Variants in UNC5D observed in about 807,000 individuals in gnomAD.
The protein encoded by UNC5D is netrin receptor UNC5D.
Under a neutral mutation model 105.4 loss-of-function variants are expected in UNC5D, and 39 were observed. That is an observed-to-expected ratio of 0.37 (90% CI 0.29 to 0.48). UNC5D has a LOEUF of 0.48. Ranked by LOEUF, UNC5D falls within the 20% of genes least tolerant of loss-of-function variation. UNC5D has a pLI of 0.98. For synonymous variants in UNC5D, 452 were observed against 450.4 expected, an observed-to-expected ratio of 1.00 and a Z score of -0.04; for missense variants, 991 against 1,202.4, an observed-to-expected ratio of 0.82 and a Z score of 2.60.
chr8:35,247,332 G>C, intron 1 of UNC5D, among the ~76,000 whole-genome samples: 1 of 149,558 alleles, frequency 6.7e-6, no homozygotes, highest in East Asian at 2.0e-4. Context: ...GATGGATGCA[G>C]TTTGGTGTAG....
chr8:35,525,956 GT>G (rs1368464901), intron 1 of UNC5D, among the ~76,000 whole-genome samples: 1 of 152,088 alleles, frequency 6.6e-6, no homozygotes, highest in Non-Finnish European at 1.5e-5. Flanking sequence ...TTTTGTGTGT[GT>G]CCCAAATATA....
intron 3 of UNC5D, among the ~76,000 whole-genome samples, chr8:35,575,412 T>C (rs1004887591): frequency 6.6e-6 from 1 of 152,166 alleles, no homozygotes; most frequent in Non-Finnish European, 1.5e-5. Flanking sequence ...AGTGAATTCA[T>C]AGCTTACATT....
At chr8:35,595,731 T>C in intron 4 of UNC5D, 74 bp downstream of exon 4, 1 of 1,370,600 alleles carries the variant, frequency 7.3e-7, no homozygotes. Flanking sequence ...GAGTCCTGTG[T>C]GGCTGGAAGG....
At chr8:35,518,171 A>C (rs1439159) in intron 1 of UNC5D, among the ~76,000 whole-genome samples, 21,242 of 152,214 alleles carry the variant, frequency 0.14, 1,855 homozygotes, top group East Asian at 0.27. Flanking sequence ...TTTATTATCA[A>C]GTAGCACTGT....
At chr8:35,331,154 G>T (rs1167729457) in intron 1 of UNC5D, among the ~76,000 whole-genome samples, 1 of 152,158 alleles carries the variant, frequency 6.6e-6, no homozygotes, top group Non-Finnish European at 1.5e-5. Flanking sequence ...ATGAGTGAGA[G>T]ATGAGAGATT....
At chr8:35,583,761 A>G (rs1035243481) in intron 3 of UNC5D, among the ~76,000 whole-genome samples, 18 of 152,164 alleles carry the variant, frequency 1.2e-4, no homozygotes, top group African/African-American at 3.6e-4. Context: ...TTTCCTGTTG[A>G]AGATTGTTAA....
At chr8:35,676,571 A>G (rs1275928721) in intron 4 of UNC5D, among the ~76,000 whole-genome samples, 1 of 152,226 alleles carries the variant, frequency 6.6e-6, no homozygotes, top group Admixed American at 6.5e-5. Flanking sequence ...TAAGAGCTTA[A>G]TTAGGGATTT....
chr8:35,678,560 C>A (rs568034851), intron 4 of UNC5D, among the ~76,000 whole-genome samples: 12 of 152,144 alleles, frequency 7.9e-5, no homozygotes, highest in Non-Finnish European at 1.6e-4. Context: ...GCATTCTCTT[C>A]CAATGTTTAC....
At chr8:35,755,738 T>C (rs764938292) in intron 13 of UNC5D, among the ~76,000 whole-genome samples, 1 of 152,206 alleles carries the variant, frequency 6.6e-6, no homozygotes, top group Non-Finnish European at 1.5e-5. Context: ...GTGCATTTCA[T>C]ATACAAAAGC....
intron 1 of UNC5D, among the ~76,000 whole-genome samples, chr8:35,488,482 T>C (rs921623258): frequency 2.6e-5 from 4 of 152,198 alleles, no homozygotes; most frequent in Non-Finnish European, 5.9e-5. Flanking sequence ...TGTCTCCTTC[T>C]GGGCTTTAGC....
chr8:35,274,671 C>T (rs906781203), intron 1 of UNC5D, among the ~76,000 whole-genome samples: 2 of 152,160 alleles, frequency 1.3e-5, no homozygotes, highest in Admixed American at 6.6e-5. Flanking sequence ...TCTCCTAACA[C>T]AGGTGGGCTG....
At chr8:35,538,141 A>G (rs1030649249) in intron 1 of UNC5D, among the ~76,000 whole-genome samples, 1 of 152,058 alleles carries the variant, frequency 6.6e-6, no homozygotes, top group African/African-American at 2.4e-5. Context: ...GTAGGCTTAC[A>G]TAAGATGTGT....
At chr8:35,546,040 A>G (rs995785580) in intron 1 of UNC5D, among the ~76,000 whole-genome samples, 6 of 152,074 alleles carry the variant, frequency 3.9e-5, no homozygotes, top group Admixed American at 3.9e-4. Flanking sequence ...GACTACACGC[A>G]TGCATCCAGC....
intron 1 of UNC5D, among the ~76,000 whole-genome samples, chr8:35,317,437 T>C (rs1025357358): frequency 6.6e-6 from 1 of 152,144 alleles, no homozygotes; most frequent in African/African-American, 2.4e-5. Context: ...CTTAGTAAGT[T>C]TGTTATTGTC....
At chr8:35,372,084 A>G (rs906293839) in intron 1 of UNC5D, among the ~76,000 whole-genome samples, 2 of 152,038 alleles carry the variant, frequency 1.3e-5, no homozygotes, top group African/African-American at 4.8e-5. Context: ...AAGATGTATT[A>G]TTTGATTTGG....
At chr8:35,394,367 G>A (rs1363305462) in intron 1 of UNC5D, among the ~76,000 whole-genome samples, 3 of 151,998 alleles carry the variant, frequency 2.0e-5, no homozygotes, top group African/African-American at 7.2e-5. Context: ...ACAATGTTGT[G>A]AAAATACAAA....
intron 1 of UNC5D, among the ~76,000 whole-genome samples, chr8:35,368,279 T>C (rs72633597): frequency 0.15 from 22,744 of 152,234 alleles, 2,113 homozygotes; most frequent in Non-Finnish European, 0.22. Context: ...TCATCCAGGT[T>C]CACCAATTAC....
chr8:35,298,455 G>A (rs1807665612), intron 1 of UNC5D, among the ~76,000 whole-genome samples: 1 of 152,142 alleles, frequency 6.6e-6, no homozygotes, highest in Non-Finnish European at 1.5e-5. Context: ...GGAGATGGGG[G>A]ATGGGCAAGG....
chr8:35,504,434 A>T (rs1217290913), intron 1 of UNC5D, among the ~76,000 whole-genome samples: 1 of 152,244 alleles, frequency 6.6e-6, no homozygotes, highest in Non-Finnish European at 1.5e-5. Context: ...ACCCAGAAGT[A>T]TTAGATACAG....
Sources: allele counts gnomAD v4.1 joint callset (sites outside exome capture counted in the v4.1 genomes callset), GRCh38; gene constraint gnomAD v4.1.1; transcripts MANE v1.5; gene names NCBI Gene and HGNC (gene_info 2026-07-23, HGNC 2026-07-21).